Variants in FAT3 observed in about 807,000 individuals in gnomAD.
FAT3 encodes the protein protocadherin Fat 3.
A neutral mutation model predicts 310.2 loss-of-function variants in FAT3; 95 were observed. The observed-to-expected ratio is 0.31, with a 90% CI of 0.26 to 0.36. The LOEUF (loss-of-function observed/expected upper bound fraction) is 0.36, where lower values mean the gene tolerates loss of function less well. Ranked by LOEUF, FAT3 falls within the 10% of genes least tolerant of loss-of-function variation. The pLI is 1.00. For missense variants in FAT3, 5,408 were observed against 5,715.6 expected, an observed-to-expected ratio of 0.95 and a Z score of 1.74; for synonymous variants, 2,314 against 2,192.9, an observed-to-expected ratio of 1.06 and a Z score of -1.54.
At chr11:92,705,604 G>C (rs1565527211) in intron 4 of FAT3, among the ~76,000 whole-genome samples, 17 of 152 alleles carry the variant, frequency 0.11, 1 homozygote, top group African/African-American at 0.25. Context: ...GTGGTGGTGT[G>C]ATGTGGTGGT....
intron 4 of FAT3, among the ~76,000 whole-genome samples, chr11:92,700,861 AT>A (rs1489586568): frequency 2.0e-5 from 3 of 151,796 alleles, no homozygotes; most frequent in Admixed American, 1.3e-4. Context: ...TTTTGGCCAC[AT>A]TTTTTCTTCT....
chr11:92,537,222 G>A (rs1954290582), intron 3 of FAT3, among the ~76,000 whole-genome samples: 1 of 152,096 alleles, frequency 6.6e-6, no homozygotes, highest in South Asian at 2.1e-4. Flanking sequence ...CTCTATCTCT[G>A]ACAGTCTTTG....
At chr11:92,336,004 T>A (rs9666201) in intron 1 of FAT3, 5,009 of 465,140 alleles carry the variant, frequency 0.011, 229 homozygotes, top group African/African-American at 0.09. Context: ...GGGAAGGTGG[T>A]GCTTCTTGAG....
At chr11:92,670,234 C>T (rs1036903811) in intron 3 of FAT3, among the ~76,000 whole-genome samples, 2 of 152,124 alleles carry the variant, frequency 1.3e-5, no homozygotes, top group Non-Finnish European at 2.9e-5. Flanking sequence ...TCTCTTAAGC[C>T]AGTATGTTTG....
At chr11:92,694,956 G>C (rs974247587) in intron 3 of FAT3, among the ~76,000 whole-genome samples, 3 of 152,168 alleles carry the variant, frequency 2.0e-5, no homozygotes, top group Admixed American at 2.0e-4. Flanking sequence ...GAAGGTGTCA[G>C]ATATGTGTGT....
At chr11:92,239,231 G>C (rs575695119) in intron 1 of FAT3, among the ~76,000 whole-genome samples, 1 of 152,070 alleles carries the variant, frequency 6.6e-6, no homozygotes, top group African/African-American at 2.4e-5. Flanking sequence ...TGGGCCAACT[G>C]CTATTTATTT....
At chr11:92,887,236 T>A in intron 25 of FAT3, 123 bp downstream of exon 25, 1 of 787,106 alleles carries the variant, frequency 1.3e-6, no homozygotes, top group Non-Finnish European at 2.0e-6. Flanking sequence ...CTTTTGAGCG[T>A]GTTCACCAGG....
intron 12 of FAT3, among the ~76,000 whole-genome samples, chr11:92,807,287 T>A (rs1442030972): frequency 1.4e-4 from 22 of 152,306 alleles, no homozygotes; most frequent in Admixed American, 1.3e-3. Context: ...TCCAAATTTT[T>A]TTTAATTCAA....
chr11:92,563,831 A>C (rs1955326025), intron 3 of FAT3, among the ~76,000 whole-genome samples: 1 of 152,078 alleles, frequency 6.6e-6, no homozygotes. Context: ...ACAGACAAGC[A>C]ATGCTGAGAG....
intron 3 of FAT3, among the ~76,000 whole-genome samples, chr11:92,577,399 C>T (rs1164887991): frequency 6.6e-6 from 1 of 152,078 alleles, no homozygotes; most frequent in Non-Finnish European, 1.5e-5. Context: ...TGAGCCACCA[C>T]ACCCAGCCTA....
chr11:92,327,780 G>T (rs1305251012), intron 1 of FAT3, among the ~76,000 whole-genome samples: 1 of 152,194 alleles, frequency 6.6e-6, no homozygotes, highest in Non-Finnish European at 1.5e-5. Flanking sequence ...ACCCAAGAGA[G>T]TTCTCACCAA....
At chr11:92,229,090 C>T (rs1488127895) in intron 1 of FAT3, among the ~76,000 whole-genome samples, 1 of 152,130 alleles carries the variant, frequency 6.6e-6, no homozygotes, top group African/African-American at 2.4e-5. Context: ...GTGTTCTGCC[C>T]AATTCCTTCC....
At chr11:92,521,548 G>A (rs1373735019) in intron 2 of FAT3, among the ~76,000 whole-genome samples, 1 of 152,106 alleles carries the variant, frequency 6.6e-6, no homozygotes, top group Non-Finnish European at 1.5e-5. Context: ...CAAACTTTTG[G>A]TGTACATTTA....
intron 22 of FAT3, among the ~76,000 whole-genome samples, chr11:92,868,292 C>G (rs1407558026): frequency 6.6e-6 from 1 of 152,180 alleles, no homozygotes; most frequent in Non-Finnish European, 1.5e-5. Flanking sequence ...TATCGAAATA[C>G]AGACACCAAA....
At chr11:92,745,190 C>G (rs952410109) in intron 4 of FAT3, among the ~76,000 whole-genome samples, 1 of 152,164 alleles carries the variant, frequency 6.6e-6, no homozygotes, top group Non-Finnish European at 1.5e-5. Flanking sequence ...TATATACTTT[C>G]TGTTGTAATT....
rs538453804 is a variant in FAT3, at chr11:92,773,872, A to G, written c.4196-169A>G. ...CATTGTAGAGGCTGTGTTTTGAACT[A>G]TGAATCAAGTTAGAAATAAAGAGGT... On this transcript the variant is annotated intron_variant, in intron 6 of 27. Coordinates refer to ENST00000525166, the MANE Select transcript of FAT3 (RefSeq NM_001367949.2). 2.0e-5 allele frequency among the ~76,000 whole-genome samples: 3 copies of G among 152,284 alleles called. No individual in the cohort carries two copies. The South Asian group carries it at 6.2e-4, about 32-fold the overall frequency.
chr11:92,396,382 G>C (rs1398224437), intron 2 of FAT3, among the ~76,000 whole-genome samples: 1 of 152,110 alleles, frequency 6.6e-6, no homozygotes, highest in African/African-American at 2.4e-5. Flanking sequence ...CTCATATACA[G>C]GTGTTTTATC....
intron 2 of FAT3, among the ~76,000 whole-genome samples, chr11:92,457,625 A>T (rs1951524633): frequency 6.6e-6 from 1 of 152,234 alleles, no homozygotes; most frequent in Non-Finnish European, 1.5e-5. Flanking sequence ...ACATGAAAGT[A>T]AATAAACTGA....
chr11:92,615,724 T>C (rs1940771688), intron 3 of FAT3, among the ~76,000 whole-genome samples: 1 of 152,202 alleles, frequency 6.6e-6, no homozygotes, highest in African/African-American at 2.4e-5. Context: ...CTGCCTTCAT[T>C]TCATTATGTA....
Sources: allele counts gnomAD v4.1 joint callset (sites outside exome capture counted in the v4.1 genomes callset), GRCh38; gene constraint gnomAD v4.1.1; transcripts MANE v1.5; gene names NCBI Gene and HGNC (gene_info 2026-07-23, HGNC 2026-07-21).